The following R3HDM1 variants were observed in gnomAD, a reference collection of about 807,000 sequenced individuals.
The protein encoded by R3HDM1 is R3H domain-containing protein 1.
Under a neutral mutation model 141.1 loss-of-function variants are expected in R3HDM1, and 46 were observed. The observed-to-expected ratio is 0.33, with a 90% CI of 0.26 to 0.42. The LOEUF is 0.42. Among genes scored for constraint, R3HDM1 ranks in the 10% least tolerant of loss-of-function variants. The pLI, the probability that R3HDM1 is intolerant of heterozygous loss-of-function variation, is 1.00. For synonymous variants in R3HDM1, 435 were observed against 472.9 expected, an observed-to-expected ratio of 0.92 and a Z score of 1.04; for missense variants, 1,184 against 1,368.3, an observed-to-expected ratio of 0.87 and a Z score of 2.12.
In R3HDM1 at chr2:135,719,484, TA is replaced by T. The variant is rs879938907; in HGVS notation, c.2882-2428del. Among the ~76,000 whole-genome samples, 225 of 139,384 alleles carry T rather than the reference TA, an allele frequency of 1.6e-3. 1 individual carries two copies. The highest frequency in any genetic ancestry group is 1.4e-3 in the Non-Finnish European group (91 of 63,610). The allele number at this position is 139,384 out of a possible 152,430, so 91.4% of individuals were successfully genotyped here. ...CAGAGCAAGACTCTGTCTCAAAAATTAAAAAAAAAAAAGGAGTTATCCATTA... is the reference window on the plus strand; with the variant it reads ...CAGAGCAAGACTCTGTCTCAAAAATTAAAAAAAAAAAGGAGTTATCCATTA... On this transcript the variant is annotated intron_variant, in intron 24 of 26. Coordinates refer to ENST00000683871, the MANE Select transcript of R3HDM1 (RefSeq NM_001378107.1).
intron 23 of R3HDM1, among the ~76,000 whole-genome samples, chr2:135,711,963 TAAAAA>T (rs35616482): frequency 1.2e-5 from 1 of 85,106 alleles, no homozygotes. Flanking sequence ...TGTCTAAAAT[TAAAAA>T]AAAAAAAAAA....
At chr2:135,566,802 C>T (rs999202173) in intron 1 of R3HDM1, 6 of 982,080 alleles carry the variant, frequency 6.1e-6, no homozygotes, top group Non-Finnish European at 7.3e-6. Flanking sequence ...GGTGAAACCC[C>T]GTCTCTACAA....
intron 1 of R3HDM1, among the ~76,000 whole-genome samples, chr2:135,600,061 C>A (rs1574226167): frequency 6.9e-6 from 1 of 145,580 alleles, no homozygotes; most frequent in Admixed American, 6.9e-5. Context: ...AAAAATTAAA[C>A]TAGTGCATTA....
At position 135,585,831 on chromosome 2, in the gene R3HDM1, T is replaced by C. The variant is rs80247978; in HGVS notation, c.-249-16669T>C. Among the ~76,000 whole-genome samples the C allele has an allele frequency of 9.8e-3, 1,497 of 152,348 alleles. 23 individuals carry two copies. The highest frequency in any genetic ancestry group is 0.034 in the African/African-American group (1,428 of 41,578). On this transcript the variant is annotated intron_variant, in intron 1 of 26. Transcript: ENST00000683871. ...ATGCTCTTGCCAGAATAAGCAAGCTTCTTTTAATTTTAGCAAAAACAGATT... is the reference window on the plus strand; with the variant it reads ...ATGCTCTTGCCAGAATAAGCAAGCTCCTTTTAATTTTAGCAAAAACAGATT...
chr2:135,584,466 T>G (rs757446763), intron 1 of R3HDM1: 2 of 821,370 alleles, frequency 2.4e-6, no homozygotes, highest in Non-Finnish European at 2.9e-6. Flanking sequence ...TATTTGTGTT[T>G]TAACATTTGT....
At chr2:135,546,229 C>CT (rs1427674217) in intron 1 of R3HDM1, among the ~76,000 whole-genome samples, 1 of 151,940 alleles carries the variant, frequency 6.6e-6, no homozygotes. Context: ...CTTTTTTGTT[C>CT]TTTTTTTGGA....
chr2:135,581,181 G>T, intron 1 of R3HDM1: 1 of 984,994 alleles, frequency 1.0e-6, no homozygotes, highest in Non-Finnish European at 1.2e-6. Context: ...AACTAATAAT[G>T]GTTGCCTATA....
chr2:135,682,372 T>G (rs1016937318), intron 21 of R3HDM1, among the ~76,000 whole-genome samples: 2 of 152,160 alleles, frequency 1.3e-5, no homozygotes, highest in African/African-American at 4.8e-5. Flanking sequence ...TCACGTTTGT[T>G]GTACTTGTCA....
chr2:135,608,531 T>C (rs2060266515), intron 3 of R3HDM1, among the ~76,000 whole-genome samples: 1 of 152,162 alleles, frequency 6.6e-6, no homozygotes, highest in South Asian at 2.1e-4. Flanking sequence ...ATTTAAAATA[T>C]TGTAAAACAA....
rs780863814 is a variant in R3HDM1, at chr2:135,661,362, C to T, written c.2121C>T (p.Asn707=). Residue 707 remains asparagine (N), a synonymous_variant, in exon 19 of 27, where the codon AAC becomes AAT. Transcript: ENST00000683871. Reference sequence around the variant, plus strand: ...CTGTTCATTACAATTCACATCTAAACCAACCACTGCCACAACCTGCGCAGC... The same window carrying T: ...CTGTTCATTACAATTCACATCTAAATCAACCACTGCCACAACCTGCGCAGC... ...VPSVHYNSHL[N]QPLPQPAQQT... is the part of the protein sequence containing the mutation. 6.2e-7 allele frequency: 1 copy of T among 1,613,916 alleles called. No individual in the cohort carries two copies. Among genetic ancestry groups the T allele is most frequent in the African/African-American group, 1.3e-5 (1 of 74,932 alleles).
intron 2 of R3HDM1, 74 bp from the exon 3 acceptor site, chr2:135,604,732 C>T (rs2059907575): frequency 8.9e-7 from 1 of 1,125,338 alleles, no homozygotes; most frequent in Non-Finnish European, 1.3e-6. Flanking sequence ...TGGAACATAA[C>T]AGACAGTAGG....
rs114804712 is a variant in R3HDM1, at chr2:135,678,295, A to G, written c.2308-1878A>G. Reference sequence around the variant, plus strand: ...TACCTTTTAAATCATAGAGCCAGGTATAGAGAACAGTGAAGTGATTCTAGA... The same window carrying G: ...TACCTTTTAAATCATAGAGCCAGGTGTAGAGAACAGTGAAGTGATTCTAGA... On this transcript the variant is annotated intron_variant, in intron 20 of 26. Coordinates refer to ENST00000683871, the MANE Select transcript of R3HDM1 (RefSeq NM_001378107.1). 7.3e-3 allele frequency among the ~76,000 whole-genome samples: 1,112 copies of G among 152,060 alleles called. 12 individuals carry two copies. The highest frequency in any genetic ancestry group is 0.025 in the African/African-American group (1,055 of 41,512).
chr2:135,579,593 G>A (rs1292063504), intron 1 of R3HDM1, among the ~76,000 whole-genome samples: 1 of 142,812 alleles, frequency 7.0e-6, no homozygotes, highest in Non-Finnish European at 1.5e-5. Context: ...ACTATGGGGT[G>A]GCGGGGGGGG....
rs1329510876 is a variant in R3HDM1 at position 135,649,906 on chromosome 2, TTC to T, written c.1629_1630del (p.His544SerfsTer34). 17 of 1,259,088 alleles carry T rather than the reference TTC, an allele frequency of 1.4e-5. No homozygotes were observed. In the Admixed American group the frequency reaches 3.9e-4, roughly 29 times the overall value. 78.0% of individuals were successfully genotyped at this position (1,259,088 alleles called of 1,614,324 possible). ...TGCCAACCTGTTATTCTTTAGCCTG[TTC>T]ATCCTCTGCAGTCCTCTTCACAGCC... is the stretch of plus-strand genomic sequence containing the variant. On this transcript the variant is annotated frameshift_variant, in exon 17 of 27. Transcript: ENST00000683871. LOFTEE classifies it high-confidence loss of function.
chr2:135,535,709 C>T (rs1695950310), intron 1 of R3HDM1, among the ~76,000 whole-genome samples: 1 of 151,848 alleles, frequency 6.6e-6, no homozygotes, highest in South Asian at 2.1e-4. Flanking sequence ...AAAATTTTGT[C>T]AAGTTAACTT....
chr2:135,600,897 C>T (rs1228583498), intron 1 of R3HDM1, among the ~76,000 whole-genome samples: 1 of 152,148 alleles, frequency 6.6e-6, no homozygotes, highest in Non-Finnish European at 1.5e-5. Context: ...CCTTGGGATC[C>T]TAAGAGGATC....
Position 135,724,323 on chromosome 2 carries a change from T to G in R3HDM1, c.*31T>G. 6.7e-7 allele frequency: 1 copy of G among 1,481,524 alleles called. No homozygotes were observed. Among genetic ancestry groups the G allele is most frequent in the South Asian group, 1.2e-5 (1 of 81,328 alleles). 91.8% of individuals were successfully genotyped at this position (1,481,524 alleles called of 1,614,324 possible). On this transcript the variant is annotated 3_prime_UTR_variant, in exon 27 of 27. Coordinates refer to ENST00000683871, the MANE Select transcript of R3HDM1 (RefSeq NM_001378107.1). ...ACCTTTGGACCCTTCGCCTTTATGGTTCCCCTGCCCTCTCCCATCTTTGAT... is the reference window on the plus strand; with the variant it reads ...ACCTTTGGACCCTTCGCCTTTATGGGTCCCCTGCCCTCTCCCATCTTTGAT...
intron 1 of R3HDM1, among the ~76,000 whole-genome samples, chr2:135,550,921 G>A (rs993085421): frequency 1.2e-4 from 18 of 152,134 alleles, no homozygotes; most frequent in African/African-American, 4.3e-4. Context: ...ATTTTGTTCA[G>A]ACTTTGTAAT....
At chr2:135,622,874 A>G (rs1300394147) in intron 7 of R3HDM1, 142 bp downstream of exon 7, 2 of 1,356,414 alleles carry the variant, frequency 1.5e-6, no homozygotes, top group Non-Finnish European at 1.9e-6. Flanking sequence ...TTTTAGGGCA[A>G]AGATGTTGTT....
Sources: gnomAD v4.1 joint callset for allele counts (sites outside exome capture counted in the v4.1 genomes callset) on GRCh38, gnomAD v4.1.1 for gene constraint, MANE v1.5 for transcripts, NCBI Gene and HGNC (gene_info 2026-07-23, HGNC 2026-07-21) for gene names.